Variants in PIGT observed in about 807,000 individuals in gnomAD.
The protein encoded by PIGT is phosphatidylinositol glycan anchor biosynthesis class T, also known as GPI-anchor transamidase component PIGT.
Under a neutral mutation model 66.7 loss-of-function variants are expected in PIGT, and 57 were observed. The observed-to-expected ratio is 0.86, with a 90% CI of 0.69 to 1.07. The LOEUF is 1.07. PIGT is among the 50% of genes least tolerant of loss of function. PIGT has a pLI of 0.00. For missense variants in PIGT, 725 were observed against 740.4 expected, an observed-to-expected ratio of 0.98 and a Z score of 0.24; for synonymous variants, 362 against 320.5, an observed-to-expected ratio of 1.13 and a Z score of -1.38.
intron 9 of PIGT, chr20:45,423,809 C>T (rs1990537531): frequency 5.0e-6 from 1 of 201,240 alleles, no homozygotes; most frequent in South Asian, 1.0e-4. Context: ...GTTTAACACA[C>T]CCCTCCTCTC....
intron 4 of PIGT, 34 bp downstream of exon 4, chr20:45,419,429 G>GA: frequency 6.2e-7 from 1 of 1,609,094 alleles, no homozygotes; most frequent in East Asian, 2.2e-5. Flanking sequence ...CGGGGGCGGG[G>GA]GGTGTATAGA....
Position 45,423,347 on chromosome 20 carries a change from T to C in PIGT, c.1235-869T>C, listed in dbSNP as rs1184041775. On this transcript the variant is annotated intron_variant, in intron 9 of 11. Transcript: ENST00000279036. ...CCAAAGTGCTGGGATTAAAATAAAT[T>C]GTTTTTAATTAGCTGGGGGTGGTGT... 5 of 151,704 alleles carry C rather than the reference T, an allele frequency of 3.3e-5. No individual in the cohort carries two copies. In the East Asian group the frequency reaches 9.7e-4, roughly 29 times the overall value. 9.4% of individuals were successfully genotyped at this position (151,704 alleles called of 1,614,324 possible).
chr20:45,418,548 G>A, intron 2 of PIGT: 1 of 372,396 alleles, frequency 2.7e-6, no homozygotes, highest in South Asian at 2.1e-5. Flanking sequence ...AAGCACTGGA[G>A]CCGGATCATG....
chr20:45,425,649 G>A lies in PIGT; in HGVS notation c.1560G>A (p.Pro520=), dbSNP rs566450064. 1.2e-5 allele frequency: 19 copies of A among 1,614,072 alleles called. No homozygotes were observed. In the East Asian group the frequency reaches 3.8e-4, roughly 32 times the overall value. ...CGCTGCTGGTGAACCTGCCGACACC[G>A]GACTTCAGCATGCCCTACAACGTGA... is the stretch of plus-strand genomic sequence containing the variant. The part of the protein sequence containing the change: ...TEPLLVNLPT[P]DFSMPYNVIC... The change falls in exon 12 of 12, where the codon CCG becomes CCA. Residue 520 remains proline, a synonymous_variant. Transcript: ENST00000279036.
chr20:45,418,936 A>C lies in PIGT; in HGVS notation c.450A>C (p.Thr150=), dbSNP rs1393159551. The C allele has an allele frequency of 3.1e-6, 5 of 1,613,972 alleles. No homozygotes were observed. Among genetic ancestry groups the C allele is most frequent in the Non-Finnish European group, 4.2e-6 (5 of 1,179,976 alleles). Residue 150 remains threonine, a synonymous_variant, in exon 3 of 12, where the codon ACA becomes ACC. Coordinates refer to ENST00000279036, the MANE Select transcript of PIGT (RefSeq NM_015937.6). ...ASLNFIDSTN[T]VTPTASFKPL... ...TCAACTTCATCGACTCCACCAACAC[A>C]GTCACTCCCACTGCCTCCTTCAAAC...
rs59857851 is a variant in PIGT at position 45,419,968 on chromosome 20, C to CT, written c.682-167dup. 1,172 of 619,430 alleles carry CT rather than the reference C, an allele frequency of 1.9e-3. 8 individuals carry two copies. The African/African-American group carries it at 0.019, about 10-fold the overall frequency. The allele number at this position is 619,430 out of a possible 1,614,324, so 38.4% of individuals were successfully genotyped here. On this transcript the variant is annotated intron_variant, in intron 5 of 11. Coordinates refer to ENST00000279036, the MANE Select transcript of PIGT (RefSeq NM_015937.6). ...GTTTATCAAACTGATGCACATACAG[C>CT]TGTCAGCACGGGGTCTGGCACGAGG... is the stretch of plus-strand genomic sequence containing the variant.
At chr20:45,420,244 A>C in intron 6 of PIGT, 21 bp downstream of exon 6, 2 of 1,603,150 alleles carry the variant, frequency 1.2e-6, no homozygotes, top group Non-Finnish European at 1.7e-6. Flanking sequence ...TTGGCAACTC[A>C]TCTGTACCCA....
At chr20:45,425,143 C>T (rs865899736) in intron 11 of PIGT, 3 of 16,052 alleles carry the variant, frequency 1.9e-4, no homozygotes, top group South Asian at 2.0e-3. Flanking sequence ...CTTTCTTTCT[C>T]TTTCTTTCTT....
chr20:45,421,815 A>G (rs1990386222), intron 9 of PIGT: 2 of 552,934 alleles, frequency 3.6e-6, no homozygotes, highest in Non-Finnish European at 6.5e-6. Context: ...GATTCTTAAT[A>G]GGACTGTACA....
At position 45,420,630 on chromosome 20, in the gene PIGT, GC is replaced by G; in HGVS notation, c.972del (p.Met325Ter). 1 of 1,613,784 alleles carries G rather than the reference GC, an allele frequency of 6.2e-7. No individual in the cohort carries two copies. The highest frequency in any genetic ancestry group is 1.3e-5 in the African/African-American group (1 of 74,896). ...TGCCATCTATGACTTGCTTGACACC[GC>G]CATGATCAACAACTCTCGAAACCTC... The part of the protein sequence containing the change: ...TYAIYDLLDT[A>X]MINNSRNLNI... On this transcript the variant is annotated frameshift_variant, in exon 8 of 12. Transcript: ENST00000279036. LOFTEE classifies it high-confidence loss of function.
In PIGT at chr20:45,416,166, G is replaced by T; in HGVS notation, c.10G>T (p.Ala4Ser). The change falls in exon 1 of 12, where the codon GCT (alanine) becomes TCT (serine). Residue 4 changes from alanine (A) to serine (S), a missense_variant. Coordinates refer to ENST00000279036, the MANE Select transcript of PIGT (RefSeq NM_015937.6). MAA[A>S]MPLALLVLLL... ...GGAAGTAGCCGCAGGCATGGCGGCG[G>T]CTATGCCGCTTGCTCTGCTCGTCCT... The T allele has an allele frequency of 6.4e-7, 1 of 1,566,776 alleles. No individual in the cohort carries two copies. The highest frequency in any genetic ancestry group is 8.6e-7 in the Non-Finnish European group (1 of 1,158,080).
At chr20:45,417,946 C>T (rs1055296158) in intron 2 of PIGT, 6 of 152,250 alleles carry the variant, frequency 3.9e-5, no homozygotes, top group African/African-American at 9.6e-5. Context: ...GGCTCCCCTA[C>T]CCTTTCCTGT....
At chr20:45,422,283 A>C (rs1990413232) in intron 9 of PIGT, 1 of 152,168 alleles carries the variant, frequency 6.6e-6, no homozygotes, top group African/African-American at 2.4e-5. Flanking sequence ...ACTTATTTTC[A>C]GCACCATTAT....
At chr20:45,422,585 A>C (rs1024805777) in intron 9 of PIGT, 2 of 151,988 alleles carry the variant, frequency 1.3e-5, no homozygotes, top group Non-Finnish European at 2.9e-5. Flanking sequence ...GACTACAGGC[A>C]TGAACCGCCA....
chr20:45,421,057 A>G (rs1177588105), intron 8 of PIGT: 1 of 509,478 alleles, frequency 2.0e-6, no homozygotes, highest in South Asian at 2.5e-5. Context: ...TCTACTAGCT[A>G]GGGCAGGTGT....
intron 8 of PIGT, 109 bp from the exon 9 acceptor site, chr20:45,421,274 G>GT (rs1006792363): frequency 1.3e-6 from 1 of 771,518 alleles, no homozygotes; most frequent in Non-Finnish European, 1.9e-6. Context: ...TGGCAGGGCT[G>GT]TTCCCCATCT....
chr20:45,416,726 C>G, intron 2 of PIGT, 32 bp downstream of exon 2: 1 of 1,575,542 alleles, frequency 6.3e-7, no homozygotes, highest in Non-Finnish European at 8.6e-7. Flanking sequence ...TGTTGCAGGC[C>G]ATGGAGGGAA....
At chr20:45,418,479 T>C (rs1280846420) in intron 2 of PIGT, 2 of 319,622 alleles carry the variant, frequency 6.3e-6, no homozygotes, top group Non-Finnish European at 1.2e-5. Flanking sequence ...GTCAGAACCG[T>C]GACTGCACAG....
chr20:45,425,183 C>CTTTCTT (rs1990654981), intron 11 of PIGT: 1 of 138,766 alleles, frequency 7.2e-6, no homozygotes, highest in Non-Finnish European at 1.6e-5. Flanking sequence ...TTCTTTCTTT[C>CTTTCTT]TTTCTTTCTT....
Sources: gnomAD v4.1 joint callset for allele counts on GRCh38, gnomAD v4.1.1 for gene constraint, MANE v1.5 for transcripts, NCBI Gene and HGNC (gene_info 2026-07-23, HGNC 2026-07-21) for gene names.